The following BCAS3 variants were observed in gnomAD, a reference collection of about 807,000 sequenced individuals.
BCAS3 encodes the protein BCAS4/BCAS3 fusion.
BCAS3 carries 53 observed loss-of-function variants against 116.1 expected under a neutral mutation model. That is an observed-to-expected ratio of 0.46 (90% CI 0.37 to 0.57). The LOEUF (loss-of-function observed/expected upper bound fraction) is 0.57. BCAS3 is among the 20% of genes least tolerant of loss of function. BCAS3 has a pLI of 0.00. For missense variants in BCAS3, 917 were observed against 1,165.4 expected, an observed-to-expected ratio of 0.79 and a Z score of 3.10; for synonymous variants, 391 against 408.2, an observed-to-expected ratio of 0.96 and a Z score of 0.51.
At chr17:61,060,792 G>T (rs1334366169) in intron 19 of BCAS3, among the ~76,000 whole-genome samples, 3 of 152,052 alleles carry the variant, frequency 2.0e-5, no homozygotes, top group Admixed American at 6.5e-5. Context: ...ATTCACTATT[G>T]TGTCTTTTTA....
chr17:60,686,595 G>A (rs1344304513), intron 3 of BCAS3, among the ~76,000 whole-genome samples: 3 of 151,544 alleles, frequency 2.0e-5, no homozygotes, highest in African/African-American at 7.3e-5. Context: ...GCATAATCTC[G>A]GCTCACTGCA....
chr17:60,795,505 G>A (rs1036112961), intron 6 of BCAS3, among the ~76,000 whole-genome samples: 2 of 152,122 alleles, frequency 1.3e-5, no homozygotes, highest in African/African-American at 4.8e-5. Flanking sequence ...AGTTCTCAGA[G>A]GGAATGCTTT....
intron 14 of BCAS3, among the ~76,000 whole-genome samples, chr17:60,986,432 G>A (rs2063146215): frequency 6.6e-6 from 1 of 152,144 alleles, no homozygotes. Flanking sequence ...TCTCCATAGT[G>A]GTTGTATTAA....
At position 61,198,226 on chromosome 17, in the gene BCAS3, C is replaced by T. The variant is rs1165757101; in HGVS notation, c.2425+113662C>T. 6.6e-6 allele frequency among the ~76,000 whole-genome samples: 1 copy of T among 151,708 alleles called. No homozygotes were observed. The highest frequency in any genetic ancestry group is 2.4e-5 in the African/African-American group (1 of 41,270). The stretch of plus-strand genomic sequence containing the variant: ...CCCAATCTCAGCTTACTGCAAGCTC[C>T]ACCTCCCAGGTTCATGCCATTCTCC... On this transcript the variant is annotated intron_variant, in intron 22 of 23. Transcript: ENST00000407086. This position sits in a 1 kb window ranked among gnomAD's most constrained non-coding sequence, Gnocchi z 5.0.
intron 1 of BCAS3, 101 bp from the exon 2 acceptor site, chr17:60,679,352 T>C: frequency 1.3e-6 from 1 of 770,576 alleles, no homozygotes. Context: ...GAGGCATTTT[T>C]GACAAGGGAT....
At chr17:60,780,817 T>C (rs2045760019) in intron 6 of BCAS3, among the ~76,000 whole-genome samples, 1 of 152,326 alleles carries the variant, frequency 6.6e-6, no homozygotes, top group South Asian at 2.1e-4. Context: ...CTTCTTTGAG[T>C]TATGGCTAAC....
intron 9 of BCAS3, among the ~76,000 whole-genome samples, chr17:60,882,555 T>C (rs2056268782): frequency 6.6e-6 from 1 of 152,224 alleles, no homozygotes; most frequent in African/African-American, 2.4e-5. Context: ...GGTTCTCTTC[T>C]AGGGTTTTTA....
chr17:60,923,705 C>T (rs1038278894), intron 12 of BCAS3, among the ~76,000 whole-genome samples: 9 of 151,984 alleles, frequency 5.9e-5, no homozygotes, highest in African/African-American at 2.2e-4. Flanking sequence ...AGTTGTTGAA[C>T]TTATGATGGG....
Position 61,095,418 on chromosome 17 carries a change from T to C in BCAS3, c.2425+10854T>C, listed in dbSNP as rs533365553. Among the ~76,000 whole-genome samples the C allele has an allele frequency of 2.0e-4, 30 of 152,344 alleles. No homozygotes were observed. Among genetic ancestry groups the C allele is most frequent in the African/African-American group, 3.6e-4 (15 of 41,582 alleles). ...TAATTGTATTAAATGTTGATAGATA[T>C]AGTACATATAAACCAAAGATCTTTG... On this transcript the variant is annotated intron_variant, in intron 22 of 23. Transcript: ENST00000407086. This position sits in a 1 kb window ranked among gnomAD's most constrained non-coding sequence, Gnocchi z 4.7.
intron 22 of BCAS3, among the ~76,000 whole-genome samples, chr17:61,120,868 A>G (rs1278924083): frequency 6.6e-6 from 1 of 152,132 alleles, no homozygotes; most frequent in East Asian, 1.9e-4. Context: ...GATATATTTC[A>G]TAAGACTCTT....
chr17:60,753,387 A>T (rs1222269333), intron 6 of BCAS3, among the ~76,000 whole-genome samples: 2 of 119,280 alleles, frequency 1.7e-5, no homozygotes, highest in South Asian at 2.4e-4. Context: ...CTCTTATTTT[A>T]TTTATTTATT....
In BCAS3 at chr17:61,307,439, A is replaced by G. The variant is rs888466327; in HGVS notation, c.2426-60888A>G. Among the ~76,000 whole-genome samples the G allele has an allele frequency of 1.3e-5, 2 of 152,176 alleles. No homozygotes were observed. Among genetic ancestry groups the G allele is most frequent in the Non-Finnish European group, 2.9e-5 (2 of 68,044 alleles). ...ACCCATGTTTTCTTTTTCCCATTGC[A>G]TTTACTACAGTTACAACGATAATAA... is the stretch of plus-strand genomic sequence containing the variant. On this transcript the variant is annotated intron_variant, in intron 22 of 23. Transcript: ENST00000407086. This position sits in a 1 kb window ranked among gnomAD's most constrained non-coding sequence, Gnocchi z 4.7.
intron 7 of BCAS3, among the ~76,000 whole-genome samples, chr17:60,816,494 C>G (rs563275615): frequency 6.6e-6 from 1 of 151,904 alleles, no homozygotes; most frequent in Non-Finnish European, 1.5e-5. Flanking sequence ...AGGATGGTCC[C>G]GATCTCCTGA....
chr17:60,712,549 C>G (rs1302138195), intron 5 of BCAS3, among the ~76,000 whole-genome samples: 2 of 152,136 alleles, frequency 1.3e-5, no homozygotes, highest in African/African-American at 2.4e-5. Flanking sequence ...GAATTTAAAC[C>G]TAGTTCTGTC....
At chr17:60,683,243 A>G (rs924165804) in intron 2 of BCAS3, among the ~76,000 whole-genome samples, 3 of 152,200 alleles carry the variant, frequency 2.0e-5, no homozygotes, top group Admixed American at 2.0e-4. Flanking sequence ...GTCACTAGAT[A>G]GTGAGTCATC....
chr17:61,058,290 G>A (rs2069598157), intron 19 of BCAS3, among the ~76,000 whole-genome samples: 2 of 152,080 alleles, frequency 1.3e-5, no homozygotes, highest in Non-Finnish European at 2.9e-5. Flanking sequence ...ACTTGGCAGG[G>A]GACCAGAAAC....
intron 11 of BCAS3, among the ~76,000 whole-genome samples, chr17:60,907,293 C>T (rs749776590): frequency 1.2e-4 from 18 of 152,020 alleles, no homozygotes; most frequent in Non-Finnish European, 1.5e-4. Context: ...TTTATAAAAT[C>T]TTGGTCCATA....
intron 6 of BCAS3, among the ~76,000 whole-genome samples, chr17:60,802,353 C>CACATACAT (rs200400419): frequency 7.1e-6 from 1 of 141,310 alleles, no homozygotes; most frequent in Admixed American, 6.9e-5. Context: ...CAAATACACA[C>CACATACAT]ACATACATAC....
intron 23 of BCAS3, among the ~76,000 whole-genome samples, chr17:61,386,272 A>G (rs1207034174): frequency 2.6e-5 from 4 of 152,212 alleles, no homozygotes; most frequent in Admixed American, 1.3e-4. Flanking sequence ...CTCCACCAAC[A>G]TGGGCAGACA....
Sources: allele counts gnomAD v4.1 joint callset (sites outside exome capture counted in the v4.1 genomes callset), GRCh38; gene constraint gnomAD v4.1.1; non-coding constraint Gnocchi (gnomAD v3.1); transcripts MANE v1.5; gene names NCBI Gene and HGNC (gene_info 2026-07-23, HGNC 2026-07-21).